Variants in NBAS observed in about 807,000 individuals in gnomAD.
NBAS encodes the protein NAG/BC035112 fusion.
NBAS carries 219 observed loss-of-function variants against 302.5 expected under a neutral mutation model. That is an observed-to-expected ratio of 0.72 (90% confidence interval 0.65 to 0.81). The LOEUF (loss-of-function observed/expected upper bound fraction) is 0.81. Ranked by LOEUF, NBAS falls within the 30% of genes least tolerant of loss-of-function variation. The pLI, the probability that NBAS is intolerant of heterozygous loss-of-function variation, is 0.00. For missense variants in NBAS, 2,932 were observed against 2,841.6 expected, an observed-to-expected ratio of 1.03 and a Z score of -0.72; for synonymous variants, 1,118 against 1,021.6, an observed-to-expected ratio of 1.09 and a Z score of -1.80.
intron 48 of NBAS, among the ~76,000 whole-genome samples, chr2:15,218,033 T>A (rs553268448): frequency 6.6e-6 from 1 of 152,324 alleles, no homozygotes; most frequent in South Asian, 2.1e-4. Flanking sequence ...AGGTCTTGTG[T>A]CTCTGTTACA....
chr2:15,436,488 C>A (rs1184814525), intron 21 of NBAS, among the ~76,000 whole-genome samples: 3 of 151,862 alleles, frequency 2.0e-5, no homozygotes, highest in African/African-American at 7.3e-5. Flanking sequence ...CTTTGGAAAC[C>A]AAGTTATACA....
At chr2:14,897,612 G>C in the NBAS span, among the ~76,000 whole-genome samples, 22 of 145,576 alleles carry the variant, frequency 1.5e-4, no homozygotes, top group Admixed American at 3.4e-4. Context: ...TCTACATTTG[G>C]CTTTTTTTTT....
intron 41 of NBAS, among the ~76,000 whole-genome samples, chr2:15,289,175 C>A (rs1211995336): frequency 6.6e-6 from 1 of 152,176 alleles, no homozygotes; most frequent in African/African-American, 2.4e-5. Flanking sequence ...CTCCCAGGCT[C>A]AAGCCATCCA....
chr2:15,280,711 T>C (rs2148069949), intron 42 of NBAS, among the ~76,000 whole-genome samples: 1 of 152,234 alleles, frequency 6.6e-6, no homozygotes, highest in South Asian at 2.1e-4. Context: ...CTTGTAAGCA[T>C]TTTCCCCAAA....
At chr2:15,431,852 G>A (rs1158142206) in intron 21 of NBAS, among the ~76,000 whole-genome samples, 2 of 151,794 alleles carry the variant, frequency 1.3e-5, no homozygotes, top group African/African-American at 2.4e-5. Context: ...ATAAAAAAAA[G>A]ACAAGAATAC....
chr2:15,239,401 G>GTGTATATA, intron 44 of NBAS, among the ~76,000 whole-genome samples: 1 of 144,720 alleles, frequency 6.9e-6, no homozygotes, highest in Non-Finnish European at 1.5e-5. Flanking sequence ...GTGTGTGTGT[G>GTGTATATA]TATATATATA....
In NBAS at chr2:15,276,967, C is replaced by T. The variant is rs984690221; in HGVS notation, c.5273G>A (p.Arg1758Lys). The T allele has an allele frequency of 3.7e-6, 6 of 1,613,990 alleles. No individual in the cohort carries two copies. The African/African-American group carries it at 8.0e-5, about 22-fold the overall frequency. ...CAGAAGAGTGAAATAATACTGCAGCCTTTCGTGATCAAAGCCACCAATAGT... is the reference window on the plus strand; with the variant it reads ...CAGAAGAGTGAAATAATACTGCAGCTTTTCGTGATCAAAGCCACCAATAGT... ...YPTIGGFDHE[R>K]LQYYFTLLEN... The change falls in exon 43 of 52, where the codon AGG becomes AAG. Residue 1758 changes from arginine (R) to lysine (K), a missense_variant. Coordinates refer to ENST00000281513, the MANE Select transcript of NBAS (RefSeq NM_015909.4).
chr2:15,032,121 C>T, the NBAS span, among the ~76,000 whole-genome samples: 1 of 152,230 alleles, frequency 6.6e-6, no homozygotes, highest in Non-Finnish European at 1.5e-5. Context: ...TGTGCTCAGT[C>T]ATTACTCTTC....
chr2:15,457,612 G>C lies in NBAS; in HGVS notation c.2339+3589C>G, dbSNP rs538606574. The stretch of plus-strand genomic sequence containing the variant: ...AGCATCCCTGATCACTCGTGCTGAA[G>C]AGGAGCTATGCTCTACTCATCCTCA... On this transcript the variant is annotated intron_variant, in intron 21 of 51. Coordinates refer to ENST00000281513, the MANE Select transcript of NBAS (RefSeq NM_015909.4). Among the ~76,000 whole-genome samples the C allele has an allele frequency of 3.5e-3, 538 of 152,298 alleles. 1 individual carries two copies. The highest frequency in any genetic ancestry group is 6.6e-3 in the Non-Finnish European group (446 of 68,028).
chr2:15,419,637 G>T (rs1677114790), intron 23 of NBAS, among the ~76,000 whole-genome samples: 2 of 152,030 alleles, frequency 1.3e-5, no homozygotes, highest in Admixed American at 1.3e-4. Context: ...CCCATATCTT[G>T]ATACAGATGC....
chr2:15,338,531 C>T (rs1428159564), intron 35 of NBAS, among the ~76,000 whole-genome samples: 1 of 152,138 alleles, frequency 6.6e-6, no homozygotes. Flanking sequence ...ATCTCATCTG[C>T]CAATTAGCAG....
chr2:14,828,604 G>A, the NBAS span, among the ~76,000 whole-genome samples: 7 of 152,098 alleles, frequency 4.6e-5, no homozygotes, highest in Non-Finnish European at 1.0e-4. Context: ...TTTAATGACT[G>A]TGCAAAAAAA....
At chr2:14,905,568 A>C in the NBAS span, among the ~76,000 whole-genome samples, 614 of 152,316 alleles carry the variant, frequency 4.0e-3, 6 homozygotes, top group African/African-American at 0.013. Context: ...AGCCTGGCCA[A>C]CAGAGAAATA....
chr2:15,329,285 A>T (rs566799467), intron 36 of NBAS, among the ~76,000 whole-genome samples: 1 of 152,186 alleles, frequency 6.6e-6, no homozygotes, highest in Non-Finnish European at 1.5e-5. Context: ...ACTAAACGGC[A>T]TCTTCATTTA....
chr2:15,070,467 C>G, the NBAS span, among the ~76,000 whole-genome samples: 1 of 152,184 alleles, frequency 6.6e-6, no homozygotes, highest in Non-Finnish European at 1.5e-5. Context: ...GGCCCCATAT[C>G]TGCCTCCATT....
At chr2:15,516,491 G>C (rs900582331) in intron 9 of NBAS, among the ~76,000 whole-genome samples, 1 of 152,120 alleles carries the variant, frequency 6.6e-6, no homozygotes, top group Non-Finnish European at 1.5e-5. Flanking sequence ...GGGAAGCCCA[G>C]GTGGGTGGAT....
At chr2:14,816,372 A>G in the NBAS span, among the ~76,000 whole-genome samples, 2 of 152,210 alleles carry the variant, frequency 1.3e-5, no homozygotes, top group African/African-American at 4.8e-5. Context: ...CCTTATGAGA[A>G]TCTAATGCCT....
chr2:15,295,776 C>T (rs1670522462), intron 40 of NBAS, among the ~76,000 whole-genome samples: 1 of 152,128 alleles, frequency 6.6e-6, no homozygotes, highest in Non-Finnish European at 1.5e-5. Context: ...AAAGGGGGAG[C>T]AGATTGGACT....
At chr2:15,482,015 T>TG (rs1680447623) in intron 12 of NBAS, among the ~76,000 whole-genome samples, 2 of 152,234 alleles carry the variant, frequency 1.3e-5, no homozygotes, top group Admixed American at 1.3e-4. Context: ...CAGGCCTTGC[T>TG]GGGTTTCCCC....
Sources: allele counts gnomAD v4.1 joint callset (sites outside exome capture counted in the v4.1 genomes callset), GRCh38; gene constraint gnomAD v4.1.1; transcripts MANE v1.5; gene names NCBI Gene and HGNC (gene_info 2026-07-23, HGNC 2026-07-21).